The following RERE variants were observed in gnomAD, a reference collection of about 807,000 sequenced individuals.
RERE encodes the protein arginine-glutamic acid dipeptide repeats protein.
A neutral mutation model predicts 146.1 loss-of-function variants in RERE; 40 were observed. That is an observed-to-expected ratio of 0.27 (90% CI 0.21 to 0.36). RERE has a LOEUF of 0.36. RERE is among the 10% of genes least tolerant of loss of function. The pLI, the probability that RERE is intolerant of heterozygous loss-of-function variation, is 1.00. For missense variants in RERE, 1,933 were observed against 2,138.7 expected (o/e 0.90, Z 1.90); for synonymous variants, 1,003 against 866.0 (o/e 1.16, Z -2.78).
intron 4 of RERE, among the ~76,000 whole-genome samples, chr1:8,572,002 A>AAC (rs1646227293): frequency 6.6e-6 from 1 of 152,230 alleles, no homozygotes; most frequent in South Asian, 2.1e-4. Flanking sequence ...CACCAACAAC[A>AAC]ACATACGGAA....
intron 1 of RERE, among the ~76,000 whole-genome samples, chr1:8,769,177 G>T (rs1304309944): frequency 2.0e-5 from 3 of 152,158 alleles, no homozygotes; most frequent in Non-Finnish European, 4.4e-5. Flanking sequence ...CCAATGATTT[G>T]AGTAAAAGGA....
chr1:8,688,552 C>A (rs1473001537), intron 1 of RERE, among the ~76,000 whole-genome samples: 2 of 150,766 alleles, frequency 1.3e-5, no homozygotes, highest in African/African-American at 4.9e-5. Context: ...AAGAGTAAGA[C>A]TCCATCTCAA....
chr1:8,461,071 GAATT>G (rs1382901956), intron 11 of RERE, among the ~76,000 whole-genome samples: 1 of 152,100 alleles, frequency 6.6e-6, no homozygotes, highest in Non-Finnish European at 1.5e-5. Flanking sequence ...TAAATAAACA[GAATT>G]AATAACCACC....
In RERE at chr1:8,604,628, GGAAGGAAGGAAGGAAGGA is replaced by G. The variant is rs1557429079; in HGVS notation, c.522+9915_522+9932del. On this transcript the variant is annotated intron_variant, in intron 4 of 22. Coordinates refer to ENST00000400908, the MANE Select transcript of RERE (RefSeq NM_001042681.2). The stretch of plus-strand genomic sequence containing the variant: ...AGGGAGGGAGGGAGGGAGGGAGGAA[GGAAGGAAGGAAGGAAGGA>G]AGGAAGGAAGGAAGGAAGGAAGGAA... Among the ~76,000 whole-genome samples, 180 of 133,448 alleles carry G rather than the reference GGAAGGAAGGAAGGAAGGA, an allele frequency of 1.3e-3. 6 individuals are homozygous for G. Among genetic ancestry groups the G allele is most frequent in the African/African-American group, 5.6e-3 (173 of 30,880 alleles). The allele number at this position is 133,448 out of a possible 152,430, so 87.5% of individuals were successfully genotyped here.
rs909636846 is a variant in RERE at position 8,356,321 on chromosome 1, C to T, written c.4340-75G>A. 25 of 1,385,810 alleles carry T rather than the reference C, an allele frequency of 1.8e-5. No homozygotes were observed. Among genetic ancestry groups the T allele is most frequent in the South Asian group, 1.8e-4 (11 of 60,980 alleles). 85.8% of individuals were successfully genotyped at this position (1,385,810 alleles called of 1,614,324 possible). A position where few individuals can be genotyped will look rare whatever the true frequency, so the allele number is the denominator to read the frequency against. ...GTTTGTCCCCCTTGGCTGGAATGAC[C>T]GATGACTTCCTCCTCACCCAGGATG... On this transcript the variant is annotated intron_variant, in intron 20 of 22. Transcript: ENST00000400908. This position sits in a 1 kb window ranked among gnomAD's most constrained non-coding sequence, Gnocchi z 5.2.
intron 12 of RERE, among the ~76,000 whole-genome samples, chr1:8,392,642 A>C (rs1642921463): frequency 6.6e-6 from 1 of 152,124 alleles, no homozygotes; most frequent in Non-Finnish European, 1.5e-5. Context: ...CGCATAACTC[A>C]CACTAGCAGT....
At chr1:8,787,054 T>G (rs1362452030) in intron 1 of RERE, 171 of 539,784 alleles carry the variant, frequency 3.2e-4, no homozygotes, top group Non-Finnish European at 4.9e-5. Flanking sequence ...GGCATTATAC[T>G]TGGAATGAAA....
chr1:8,366,519 G>A (rs1408192171), intron 12 of RERE, among the ~76,000 whole-genome samples: 4 of 152,180 alleles, frequency 2.6e-5, no homozygotes, highest in Non-Finnish European at 5.9e-5. Context: ...GGGCCAAACA[G>A]AAGGTGGGGA....
At chr1:8,452,016 C>T (rs1158245906) in intron 11 of RERE, among the ~76,000 whole-genome samples, 2 of 152,196 alleles carry the variant, frequency 1.3e-5, no homozygotes, top group East Asian at 3.8e-4. Flanking sequence ...CATCCTCCCC[C>T]ACCCATAAGC....
intron 3 of RERE, among the ~76,000 whole-genome samples, chr1:8,614,907 A>G (rs1338060794): frequency 1.3e-5 from 2 of 152,156 alleles, no homozygotes; most frequent in East Asian, 3.9e-4. Flanking sequence ...CTGGCTCCAC[A>G]CTTTAATCCA....
intron 7 of RERE, among the ~76,000 whole-genome samples, chr1:8,536,104 CAAA>C (rs35142876): frequency 9.5e-6 from 1 of 105,240 alleles, no homozygotes; most frequent in Non-Finnish European, 2.0e-5. Flanking sequence ...GACTCCATCT[CAAA>C]AAAAAAAAAA....
chr1:8,626,625 C>G (rs1000206433), intron 2 of RERE, among the ~76,000 whole-genome samples: 3 of 152,138 alleles, frequency 2.0e-5, no homozygotes, highest in African/African-American at 7.2e-5. Flanking sequence ...CCAGAGATAA[C>G]GTCCCCTCTG....
intron 4 of RERE, among the ~76,000 whole-genome samples, chr1:8,608,739 G>T (rs1304815755): frequency 6.6e-6 from 1 of 152,172 alleles, no homozygotes; most frequent in African/African-American, 2.4e-5. Flanking sequence ...CTAAAAATGC[G>T]GCTTGATGCC....
intron 1 of RERE, among the ~76,000 whole-genome samples, chr1:8,727,171 C>T (rs1639988125): frequency 6.6e-6 from 1 of 152,002 alleles, no homozygotes; most frequent in African/African-American, 2.4e-5. Context: ...GGAAAGGAGT[C>T]TCGCTCTGTA....
At chr1:8,761,271 T>C (rs138847502) in intron 1 of RERE, among the ~76,000 whole-genome samples, 86 of 152,318 alleles carry the variant, frequency 5.6e-4, no homozygotes, top group African/African-American at 2.0e-3. Flanking sequence ...CATCTGACAC[T>C]AAATCCTTTG....
rs1235854599 is a variant in RERE, at chr1:8,788,761, C to T, written c.-145+28399G>A. Among the ~76,000 whole-genome samples, 3 of 151,272 alleles carry T rather than the reference C, an allele frequency of 2.0e-5. No homozygotes were observed. In the South Asian group the frequency reaches 6.2e-4, roughly 31 times the overall value. The stretch of plus-strand genomic sequence containing the variant: ...TTACTAACCATGTAGCATCTATGTG[C>T]CTGACCAGCCCTGACAGATGAGGAT... On this transcript the variant is annotated intron_variant, in intron 1 of 22. Coordinates refer to ENST00000400908, the MANE Select transcript of RERE (RefSeq NM_001042681.2).
At chr1:8,443,433 A>G (rs1333401097) in intron 11 of RERE, among the ~76,000 whole-genome samples, 1 of 144,344 alleles carries the variant, frequency 6.9e-6, no homozygotes, top group African/African-American at 2.6e-5. Context: ...AGCCTGAGTG[A>G]CAGGTGAGAC....
chr1:8,431,596 C>T (rs1644096393), intron 11 of RERE, among the ~76,000 whole-genome samples: 1 of 152,160 alleles, frequency 6.6e-6, no homozygotes, highest in Non-Finnish European at 1.5e-5. Flanking sequence ...AGCTGTCTTC[C>T]ACAAAGCTGG....
chr1:8,642,281 T>C (rs1647190997), intron 2 of RERE, among the ~76,000 whole-genome samples: 1 of 152,190 alleles, frequency 6.6e-6, no homozygotes, highest in Non-Finnish European at 1.5e-5. Context: ...CTTATCCCCA[T>C]TTTATTGATG....
Sources: gnomAD v4.1 joint callset for allele counts (sites outside exome capture counted in the v4.1 genomes callset) on GRCh38, gnomAD v4.1.1 for gene constraint, Gnocchi (gnomAD v3.1) non-coding constraint, MANE v1.5 for transcripts, NCBI Gene and HGNC (gene_info 2026-07-23, HGNC 2026-07-21) for gene names.